CHN2: variants seen among roughly 807,000 people sequenced by gnomAD.
The protein encoded by CHN2 is chimerin 2.
Under a neutral mutation model 56.3 loss-of-function variants are expected in CHN2, and 35 were observed. That is an observed-to-expected ratio of 0.62 (90% CI 0.47 to 0.82). CHN2 has a LOEUF of 0.82. Ranked by LOEUF, CHN2 falls within the 40% of genes least tolerant of loss-of-function variation. The probability of loss-of-function intolerance (pLI) is 0.00; values close to 1 mark genes in which losing one functional copy is unlikely to be tolerated. For missense variants in CHN2, 491 were observed against 580.5 expected (o/e 0.85, Z 1.58); for synonymous variants, 210 against 212.8 (o/e 0.99, Z 0.12).
At chr7:29,417,067 C>T (rs546709807) in intron 6 of CHN2, among the ~76,000 whole-genome samples, 4 of 152,248 alleles carry the variant, frequency 2.6e-5, no homozygotes, top group African/African-American at 7.2e-5. Context: ...GCACCTTCTT[C>T]GAAATACCAG....
intron 1 of CHN2, among the ~76,000 whole-genome samples, chr7:29,299,672 T>C (rs910844150): frequency 6.6e-6 from 1 of 152,122 alleles, no homozygotes; most frequent in Non-Finnish European, 1.5e-5. Flanking sequence ...CTCTAACTTA[T>C]AAGAGTAATG....
chr7:29,190,585 C>T (rs922495157), upstream of CHN2, among the ~76,000 whole-genome samples: 1 of 152,150 alleles, frequency 6.6e-6, no homozygotes, highest in African/African-American at 2.4e-5. Flanking sequence ...ATTGTAACAG[C>T]CGGTGAAGGA....
intron 1 of CHN2, among the ~76,000 whole-genome samples, chr7:29,207,399 T>G (rs1784598950): frequency 6.6e-6 from 1 of 152,158 alleles, no homozygotes; most frequent in Non-Finnish European, 1.5e-5. Flanking sequence ...ACTTGCTCTC[T>G]AGGGCTGGTT....
chr7:29,433,884 A>G (rs893012810), intron 6 of CHN2, among the ~76,000 whole-genome samples: 2 of 150,220 alleles, frequency 1.3e-5, no homozygotes, highest in African/African-American at 4.9e-5. Flanking sequence ...GAAGGGAGGA[A>G]GGGAGGAAGG....
At chr7:29,400,432 C>A in intron 5 of CHN2, 111 bp from the exon 6 acceptor site, 1 of 1,051,258 alleles carries the variant, frequency 9.5e-7, no homozygotes, top group Non-Finnish European at 1.4e-6. Context: ...AAGTGCTTAG[C>A]CCTGTGCCTG....
chr7:29,477,805 G>A (rs1786723445), intron 6 of CHN2, among the ~76,000 whole-genome samples: 1 of 152,236 alleles, frequency 6.6e-6, no homozygotes, highest in Non-Finnish European at 1.5e-5. Context: ...GGTCACAGGA[G>A]GGACTGGAGA....
chr7:29,199,792 T>C (rs1202854708), intron 1 of CHN2: 1 of 152,212 alleles, frequency 6.6e-6, no homozygotes, highest in Non-Finnish European at 1.5e-5. Flanking sequence ...ACCCAGTGAT[T>C]TGTGAACTTG....
Position 29,289,828 on chromosome 7 carries a change from C to G in CHN2, c.50-64797C>G, listed in dbSNP as rs1369267610. 2.6e-5 allele frequency among the ~76,000 whole-genome samples: 4 copies of G among 152,098 alleles called. No individual in the cohort carries two copies. In the East Asian group the frequency reaches 7.7e-4, roughly 29 times the overall value. Reference sequence around the variant, plus strand: ...CCCGGAGGTTTGACTTTAAATGTTACCAAAAAAGAGAACTGAAGCTTTCTC... The same window carrying G: ...CCCGGAGGTTTGACTTTAAATGTTAGCAAAAAAGAGAACTGAAGCTTTCTC... On this transcript the variant is annotated intron_variant, in intron 1 of 12. Coordinates refer to ENST00000222792, the MANE Select transcript of CHN2 (RefSeq NM_004067.4).
intron 3 of CHN2, among the ~76,000 whole-genome samples, chr7:29,376,139 C>A (rs1362419579): frequency 6.6e-6 from 1 of 152,198 alleles, no homozygotes; most frequent in East Asian, 1.9e-4. Flanking sequence ...ATGATGCAAT[C>A]TCAGACAGCC....
chr7:29,462,551 C>T (rs1785241508), intron 6 of CHN2, among the ~76,000 whole-genome samples: 1 of 152,188 alleles, frequency 6.6e-6, no homozygotes, highest in African/African-American at 2.4e-5. Flanking sequence ...GACTCTCACA[C>T]ACTGATGTTA....
intron 3 of CHN2, among the ~76,000 whole-genome samples, chr7:29,380,563 G>A (rs1800422594): frequency 6.6e-6 from 1 of 152,144 alleles, no homozygotes; most frequent in Non-Finnish European, 1.5e-5. Flanking sequence ...CTAGGAGAGA[G>A]AGAAAAAAGT....
At chr7:29,449,276 CTA>C (rs1784238440) in intron 6 of CHN2, among the ~76,000 whole-genome samples, 1 of 152,074 alleles carries the variant, frequency 6.6e-6, no homozygotes, top group African/African-American at 2.4e-5. Flanking sequence ...AAAAAATAAT[CTA>C]TGTGTCAGGA....
intron 1 of CHN2, among the ~76,000 whole-genome samples, chr7:29,213,541 C>A (rs1227821187): frequency 1.3e-5 from 2 of 152,122 alleles, no homozygotes; most frequent in Non-Finnish European, 2.9e-5. Flanking sequence ...TAGAATCTAA[C>A]CTCAAGAATA....
chr7:29,395,289 A>G (rs1801658528), intron 4 of CHN2, among the ~76,000 whole-genome samples: 1 of 152,162 alleles, frequency 6.6e-6, no homozygotes. Flanking sequence ...TTGGGAGGCC[A>G]GGGAAGGCAG....
At chr7:29,194,722 G>A, upstream of CHN2, 1 of 424,354 alleles carries the variant, frequency 2.4e-6, no homozygotes, top group Non-Finnish European at 4.1e-6. Context: ...GTGCAAAGGC[G>A]CGGAGCGGGA....
At position 29,287,532 on chromosome 7, in the gene CHN2, T is replaced by C. The variant is rs776744756; in HGVS notation, c.50-67093T>C. Among the ~76,000 whole-genome samples the C allele has an allele frequency of 2.2e-4, 34 of 152,134 alleles. 1 individual carries two copies. Among genetic ancestry groups the C allele is most frequent in the Admixed American group, 4.6e-4 (7 of 15,272 alleles). ...GGAGTCTTAGTGAGGGTCAGGTGAGTCATGTGAAATGCTGAGAACAGCACC... is the reference window on the plus strand; with the variant it reads ...GGAGTCTTAGTGAGGGTCAGGTGAGCCATGTGAAATGCTGAGAACAGCACC... On this transcript the variant is annotated intron_variant, in intron 1 of 12. Transcript: ENST00000222792.
intron 6 of CHN2, among the ~76,000 whole-genome samples, chr7:29,409,758 C>T (rs2128095635): frequency 6.6e-6 from 1 of 152,342 alleles, no homozygotes; most frequent in East Asian, 1.9e-4. Flanking sequence ...GTTTTGACAT[C>T]ATGGACTCTC....
rs78840952 is a variant in CHN2 at position 29,312,665 on chromosome 7, A to G, written c.50-41960A>G. The stretch of plus-strand genomic sequence containing the variant: ...TCTTCAACATGTTGCTTACTGCCGT[A>G]GAGAGAGTGGAGCTCTGAAAAAAAT... On this transcript the variant is annotated intron_variant, in intron 1 of 12. Coordinates refer to ENST00000222792, the MANE Select transcript of CHN2 (RefSeq NM_004067.4). 2.6e-5 allele frequency among the ~76,000 whole-genome samples: 4 copies of G among 152,284 alleles called. No individual in the cohort carries two copies. The East Asian group carries it at 7.7e-4, about 29-fold the overall frequency.
rs546193221 is a variant in CHN2, at chr7:29,400,429, T to G, written c.291-114T>G. 4.8e-4 allele frequency: 493 copies of G among 1,026,500 alleles called. 2 individuals are homozygous for G. The highest frequency in any genetic ancestry group is 2.6e-4 in the Middle Eastern group (1 of 3,858). 63.6% of individuals were successfully genotyped at this position (1,026,500 alleles called of 1,614,324 possible). A position where few individuals can be genotyped will look rare whatever the true frequency, so the allele number is the denominator to read the frequency against. ...GGGAAAAAAAATCACATCAAGTGCT[T>G]AGCCCTGTGCCTGGGATACACTAAG... On this transcript the variant is annotated intron_variant, in intron 5 of 12. Coordinates refer to ENST00000222792, the MANE Select transcript of CHN2 (RefSeq NM_004067.4).
Sources: allele counts gnomAD v4.1 joint callset (sites outside exome capture counted in the v4.1 genomes callset), GRCh38; gene constraint gnomAD v4.1.1; transcripts MANE v1.5; gene names NCBI Gene and HGNC (gene_info 2026-07-23, HGNC 2026-07-21).